The following ULK4 variants were observed in gnomAD, a reference collection of about 807,000 sequenced individuals.
ULK4 encodes inactive serine/threonine-protein kinase ULK4.
A neutral mutation model predicts 160.6 loss-of-function variants in ULK4; 133 were observed. That is an observed-to-expected ratio of 0.83 (90% CI 0.72 to 0.96). ULK4 has a LOEUF of 0.96. Among genes scored for constraint, ULK4 ranks in the 40% least tolerant of loss-of-function variants. The probability of loss-of-function intolerance (pLI) is 0.00; values close to 1 mark genes in which losing one functional copy is unlikely to be tolerated. For synonymous variants in ULK4, 534 were observed against 539.8 expected, an observed-to-expected ratio of 0.99 and a Z score of 0.15; for missense variants, 1,580 against 1,499.5, an observed-to-expected ratio of 1.05 and a Z score of -0.89.
At position 41,673,490 on chromosome 3, in the gene ULK4, C is replaced by T. The variant is rs73828211; in HGVS notation, c.2978+8018G>A. Among the ~76,000 whole-genome samples, 913 of 152,180 alleles carry T rather than the reference C, an allele frequency of 6.0e-3. 8 individuals are homozygous for T. The highest frequency in any genetic ancestry group is 0.021 in the African/African-American group (887 of 41,506). On this transcript the variant is annotated intron_variant, in intron 29 of 36. Coordinates refer to ENST00000301831, the MANE Select transcript of ULK4 (RefSeq NM_017886.4). The stretch of plus-strand genomic sequence containing the variant: ...TATCCCTTTCTCAGATTCTAAAAAA[C>T]AAAGCCTTAATAATTTATGAAGTTA...
At chr3:41,931,758 CAA>C (rs905666692) in intron 5 of ULK4, 84 bp downstream of exon 5, 2 of 1,496,698 alleles carry the variant, frequency 1.3e-6, no homozygotes, top group African/African-American at 2.8e-5. Flanking sequence ...AGTGGCAAAA[CAA>C]AAGACTGACA....
chr3:41,489,438 T>C (rs1332860728), intron 32 of ULK4, among the ~76,000 whole-genome samples: 4 of 152,270 alleles, frequency 2.6e-5, no homozygotes, highest in East Asian at 1.9e-4. Flanking sequence ...CAGCGTGTGA[T>C]GTAACTCACT....
chr3:41,449,110 G>A (rs543108953), intron 34 of ULK4, among the ~76,000 whole-genome samples: 1 of 152,048 alleles, frequency 6.6e-6, no homozygotes, highest in African/African-American at 2.4e-5. Flanking sequence ...TAGATACAGG[G>A]TTTCACCATA....
At chr3:41,392,103 A>T (rs2081969865) in intron 35 of ULK4, among the ~76,000 whole-genome samples, 1 of 152,144 alleles carries the variant, frequency 6.6e-6, no homozygotes, top group Non-Finnish European at 1.5e-5. Flanking sequence ...TAGCTAATCT[A>T]CAATCATTGC....
At chr3:41,859,824 ATTTTTTTTTTT>A (rs397875093) in intron 17 of ULK4, among the ~76,000 whole-genome samples, 2 of 115,906 alleles carry the variant, frequency 1.7e-5, no homozygotes, top group African/African-American at 6.9e-5. Context: ...TGCCTGGCTA[ATTTTTTTTTTT>A]TTTTTTTTTT....
intron 35 of ULK4, among the ~76,000 whole-genome samples, chr3:41,352,935 A>G (rs2080940633): frequency 6.6e-6 from 1 of 152,164 alleles, no homozygotes; most frequent in Non-Finnish European, 1.5e-5. Flanking sequence ...GAGCAGTACC[A>G]TCTTCCACCC....
intron 30 of ULK4, among the ~76,000 whole-genome samples, chr3:41,625,462 T>C (rs1426096080): frequency 6.6e-6 from 1 of 152,174 alleles, no homozygotes; most frequent in African/African-American, 2.4e-5. Flanking sequence ...CAACGCACTC[T>C]GAATTGTGGC....
chr3:41,490,359 C>A (rs1033223154), intron 32 of ULK4, among the ~76,000 whole-genome samples: 1 of 152,202 alleles, frequency 6.6e-6, no homozygotes, highest in African/African-American at 2.4e-5. Context: ...CAGACCCACA[C>A]TTCCAGCCAG....
intron 35 of ULK4, among the ~76,000 whole-genome samples, chr3:41,372,275 A>G (rs2081385561): frequency 6.6e-6 from 1 of 152,166 alleles, no homozygotes; most frequent in African/African-American, 2.4e-5. Context: ...ACAACATTCA[A>G]ATTCAGGAAA....
intron 19 of ULK4, among the ~76,000 whole-genome samples, chr3:41,806,062 C>T (rs2040632636): frequency 6.9e-6 from 1 of 145,690 alleles, no homozygotes; most frequent in African/African-American, 2.6e-5. Context: ...AGGAATGGTA[C>T]CAGTTCCTCC....
intron 34 of ULK4, among the ~76,000 whole-genome samples, chr3:41,435,642 C>A (rs1475994930): frequency 6.6e-6 from 1 of 152,060 alleles, no homozygotes; most frequent in South Asian, 2.1e-4. Flanking sequence ...TGCATGTAAC[C>A]AACTACCTTA....
chr3:41,947,797 T>C (rs956155634), intron 2 of ULK4, among the ~76,000 whole-genome samples: 1 of 152,194 alleles, frequency 6.6e-6, no homozygotes, highest in African/African-American at 2.4e-5. Context: ...CCTTGATTCC[T>C]CTATCTCACC....
intron 32 of ULK4, among the ~76,000 whole-genome samples, chr3:41,544,985 A>G (rs2086810012): frequency 6.6e-6 from 1 of 152,194 alleles, no homozygotes; most frequent in Non-Finnish European, 1.5e-5. Context: ...GAGATTCATC[A>G]GTTTTTCTTG....
intron 34 of ULK4, among the ~76,000 whole-genome samples, chr3:41,440,458 C>T (rs903564571): frequency 6.6e-6 from 1 of 152,096 alleles, no homozygotes; most frequent in Non-Finnish European, 1.5e-5. Context: ...GTATATATTA[C>T]TTGATTGATT....
At chr3:41,935,492 G>A (rs528031303) in intron 4 of ULK4, among the ~76,000 whole-genome samples, 1 of 152,012 alleles carries the variant, frequency 6.6e-6, no homozygotes, top group Admixed American at 6.6e-5. Context: ...GCCTCCCAAT[G>A]TGATGGGATT....
chr3:41,350,834 C>T (rs1269762571), intron 35 of ULK4, among the ~76,000 whole-genome samples: 1 of 152,162 alleles, frequency 6.6e-6, no homozygotes, highest in African/African-American at 2.4e-5. Context: ...AAGGCTTTGT[C>T]CTTCTGGAGA....
intron 17 of ULK4, among the ~76,000 whole-genome samples, chr3:41,842,139 CAA>C (rs60925540): frequency 1.5e-4 from 10 of 68,740 alleles, no homozygotes; most frequent in African/African-American, 2.4e-4. Flanking sequence ...TCAATAAATA[CAA>C]AAAAAAAAAA....
intron 21 of ULK4, among the ~76,000 whole-genome samples, chr3:41,787,501 C>A (rs2040031524): frequency 6.6e-6 from 1 of 152,192 alleles, no homozygotes; most frequent in Non-Finnish European, 1.5e-5. Flanking sequence ...AACCCAGCAA[C>A]ATCAATGCAG....
At chr3:41,705,609 A>G (rs1380904397) in intron 25 of ULK4, among the ~76,000 whole-genome samples, 2 of 151,734 alleles carry the variant, frequency 1.3e-5, no homozygotes, top group Non-Finnish European at 2.9e-5. Context: ...TGATTCTCCC[A>G]CCTCAGCCTC....
Sources: allele counts gnomAD v4.1 joint callset (sites outside exome capture counted in the v4.1 genomes callset), GRCh38; gene constraint gnomAD v4.1.1; transcripts MANE v1.5; gene names NCBI Gene and HGNC (gene_info 2026-07-23, HGNC 2026-07-21).